The following OPCML variants were observed in gnomAD, a reference collection of about 807,000 sequenced individuals.
OPCML encodes opioid binding protein/cell adhesion molecule like, also known as opioid-binding protein/cell adhesion molecule.
A neutral mutation model predicts 37.8 loss-of-function variants in OPCML; 13 were observed. The observed-to-expected ratio is 0.34, with a 90% CI of 0.22 to 0.55. The LOEUF (loss-of-function observed/expected upper bound fraction) is 0.55, where lower values mean the gene tolerates loss of function less well. Among genes scored for constraint, OPCML ranks in the 20% least tolerant of loss-of-function variants. OPCML has a pLI of 0.91. For missense variants in OPCML, 341 were observed against 435.6 expected, an observed-to-expected ratio of 0.78 and a Z score of 1.93; for synonymous variants, 176 against 168.8, an observed-to-expected ratio of 1.04 and a Z score of -0.33.
intron 1 of OPCML, among the ~76,000 whole-genome samples, chr11:133,167,526 TC>T (rs1950225963): frequency 8.2e-6 from 1 of 122,520 alleles, no homozygotes; most frequent in African/African-American, 2.9e-5. Context: ...GCTTTCTTTC[TC>T]TTTTTTTTTT....
At chr11:132,993,318 CCAGGGCG>C (rs1292016083) in intron 1 of OPCML, among the ~76,000 whole-genome samples, 1 of 152,100 alleles carries the variant, frequency 6.6e-6, no homozygotes, top group African/African-American at 2.4e-5. Context: ...GTTCTTCCTC[CCAGGGCG>C]CCCTTTCTGT....
At chr11:133,319,195 G>T (rs2136616375) in intron 1 of OPCML, among the ~76,000 whole-genome samples, 1 of 152,164 alleles carries the variant, frequency 6.6e-6, no homozygotes, top group Non-Finnish European at 1.5e-5. Flanking sequence ...CTGTTCTTTT[G>T]GTGTCTTTTA....
chr11:132,687,359 C>T (rs1366515748), intron 2 of OPCML, among the ~76,000 whole-genome samples: 1 of 90,732 alleles, frequency 1.1e-5, no homozygotes, highest in Non-Finnish European at 2.1e-5. Context: ...AACTGCTCTG[C>T]CTTAAGCTAC....
chr11:133,458,495 CGTGTGTGTGTATATACACATATATACACT>C (rs1946756489), intron 1 of OPCML, among the ~76,000 whole-genome samples: 1 of 95,958 alleles, frequency 1.0e-5, no homozygotes, highest in Non-Finnish European at 1.9e-5. Flanking sequence ...CATATATACA[CGTGTGTGTGTATATACACATATATACACT>C]GTGTGTGTAT....
intron 1 of OPCML, among the ~76,000 whole-genome samples, chr11:133,416,586 T>A (rs574909695): frequency 6.6e-6 from 1 of 152,358 alleles, no homozygotes; most frequent in Admixed American, 6.5e-5. Context: ...ATCTGACATC[T>A]GACCATGAGC....
At chr11:133,034,702 G>C (rs1947744031) in intron 1 of OPCML, among the ~76,000 whole-genome samples, 1 of 151,714 alleles carries the variant, frequency 6.6e-6, no homozygotes, top group African/African-American at 2.4e-5. Flanking sequence ...GGAACATTTA[G>C]AAGTGTGACT....
At chr11:133,196,653 G>A (rs1938547116) in intron 1 of OPCML, among the ~76,000 whole-genome samples, 1 of 152,140 alleles carries the variant, frequency 6.6e-6, no homozygotes, top group Non-Finnish European at 1.5e-5. Flanking sequence ...AGCCAGCATA[G>A]AGTAATGGAA....
At chr11:132,646,199 C>T (rs938596714) in intron 3 of OPCML, among the ~76,000 whole-genome samples, 10 of 152,180 alleles carry the variant, frequency 6.6e-5, no homozygotes, top group African/African-American at 2.4e-4. Context: ...TGTAACCAAA[C>T]ACCACCTGTT....
intron 1 of OPCML, among the ~76,000 whole-genome samples, chr11:133,272,648 G>T (rs985515580): frequency 6.6e-6 from 1 of 152,212 alleles, no homozygotes; most frequent in African/African-American, 2.4e-5. Context: ...GCAGGAGGAG[G>T]TGGATTGAGG....
rs115455422 is a variant in OPCML at position 133,019,625 on chromosome 11, A to G, written c.62-76615T>C. Among the ~76,000 whole-genome samples the G allele has an allele frequency of 8.2e-3, 1,242 of 152,242 alleles. 16 individuals are homozygous for G. The highest frequency in any genetic ancestry group is 0.029 in the African/African-American group (1,198 of 41,536). On this transcript the variant is annotated intron_variant, in intron 1 of 7. Coordinates refer to ENST00000524381, the MANE Select transcript of OPCML (RefSeq NM_001012393.5). ...GAGCTATTTTGTTTTGAACAGAGAG[A>G]TCTCCCTTCCTAGACTACAACATCT...
Position 132,417,603 on chromosome 11 carries a change from T to C in OPCML, c.*2590A>G, listed in dbSNP as rs2095943075. On this transcript the variant is annotated 3_prime_UTR_variant, in exon 8 of 8. Transcript: ENST00000524381. ...CATGGACCCTTTCCTGTAGAACAAG[T>C]CTTGGAGTGAGGAATAGGTCCAGCT... The C allele has an allele frequency of 6.6e-6, 1 of 152,184 alleles. No individual in the cohort carries two copies. Among genetic ancestry groups the C allele is most frequent in the African/African-American group, 2.4e-5 (1 of 41,426 alleles). 9.4% of individuals were successfully genotyped at this position (152,184 alleles called of 1,614,324 possible).
At chr11:132,598,831 T>A (rs978452383) in intron 3 of OPCML, among the ~76,000 whole-genome samples, 5 of 152,182 alleles carry the variant, frequency 3.3e-5, no homozygotes, top group South Asian at 2.1e-4. Flanking sequence ...TTTAAAAAAA[T>A]TTCTCTGCTG....
At chr11:132,771,802 T>A (rs567736492) in intron 2 of OPCML, 1 of 152,326 alleles carries the variant, frequency 6.6e-6, no homozygotes, top group Non-Finnish European at 1.5e-5. Context: ...AAACCATCTC[T>A]CTTCAAGGTG....
At position 133,208,487 on chromosome 11, in the gene OPCML, G is replaced by C. The variant is rs992858860; in HGVS notation, c.62-265477C>G. Reference sequence around the variant, plus strand: ...TGATCTCTCAATTTTTGCATGAATAGATTTGGATAATAAAGTGCAATGAAG... The same window carrying C: ...TGATCTCTCAATTTTTGCATGAATACATTTGGATAATAAAGTGCAATGAAG... On this transcript the variant is annotated intron_variant, in intron 1 of 7. Coordinates refer to ENST00000524381, the MANE Select transcript of OPCML (RefSeq NM_001012393.5). This position sits in a 1 kb window ranked among gnomAD's most constrained non-coding sequence, Gnocchi z 8.9. 1.1e-4 allele frequency among the ~76,000 whole-genome samples: 16 copies of C among 152,152 alleles called. No individual in the cohort carries two copies. Among genetic ancestry groups the C allele is most frequent in the Admixed American group, 7.2e-4 (11 of 15,262 alleles).
intron 2 of OPCML, among the ~76,000 whole-genome samples, chr11:132,811,849 C>T (rs780064348): frequency 6.6e-6 from 1 of 152,144 alleles, no homozygotes; most frequent in Admixed American, 6.5e-5. Flanking sequence ...AAGAGCCTAG[C>T]GCTCCATCAA....
At chr11:133,176,289 A>C (rs928745040) in intron 1 of OPCML, among the ~76,000 whole-genome samples, 1 of 151,826 alleles carries the variant, frequency 6.6e-6, no homozygotes, top group Non-Finnish European at 1.5e-5. Flanking sequence ...TCCATGAGGT[A>C]ATGAGGCTGC....
At chr11:132,754,352 A>C (rs1945957091) in intron 2 of OPCML, among the ~76,000 whole-genome samples, 1 of 152,126 alleles carries the variant, frequency 6.6e-6, no homozygotes, top group South Asian at 2.1e-4. Context: ...ATAATGAATA[A>C]GTCTCACAAG....
At chr11:132,957,680 C>G (rs906646635) in intron 1 of OPCML, among the ~76,000 whole-genome samples, 2 of 144,558 alleles carry the variant, frequency 1.4e-5, no homozygotes, top group Non-Finnish European at 2.9e-5. Flanking sequence ...TGTACTCACT[C>G]TGTCTCTGTG....
chr11:132,557,055 T>C (rs1305203703), intron 3 of OPCML, among the ~76,000 whole-genome samples: 2 of 152,178 alleles, frequency 1.3e-5, no homozygotes, highest in Non-Finnish European at 2.9e-5. Context: ...AGCAGGATAT[T>C]ACAAGAAAAA....
Sources: gnomAD v4.1 joint callset for allele counts (sites outside exome capture counted in the v4.1 genomes callset) on GRCh38, gnomAD v4.1.1 for gene constraint, Gnocchi (gnomAD v3.1) non-coding constraint, MANE v1.5 for transcripts, NCBI Gene and HGNC (gene_info 2026-07-23, HGNC 2026-07-21) for gene names.